TMX4: variants seen among roughly 807,000 people sequenced by gnomAD.
TMX4 encodes thioredoxin-related transmembrane protein 4.
A neutral mutation model predicts 33.3 loss-of-function variants in TMX4; 23 were observed. That is an observed-to-expected ratio of 0.69 (90% CI 0.50 to 0.98). TMX4 has a LOEUF of 0.98. TMX4 is among the 50% of genes least tolerant of loss of function. TMX4 has a pLI of 0.00. For synonymous variants in TMX4, 164 were observed against 161.5 expected (o/e 1.02, Z -0.12); for missense variants, 399 against 448.9 (o/e 0.89, Z 1.01).
At chr20:8,012,645 G>C (rs1170579312) in intron 1 of TMX4, among the ~76,000 whole-genome samples, 1 of 152,028 alleles carries the variant, frequency 6.6e-6, no homozygotes, top group Non-Finnish European at 1.5e-5. Flanking sequence ...TATTTCCCTA[G>C]GACGCTCTTT....
intron 1 of TMX4, among the ~76,000 whole-genome samples, chr20:8,015,379 C>T (rs1280321695): frequency 2.0e-5 from 3 of 152,118 alleles, no homozygotes; most frequent in African/African-American, 2.4e-5. Flanking sequence ...GGCAAGTATG[C>T]CAAAGGTTCT....
intron 5 of TMX4, among the ~76,000 whole-genome samples, chr20:7,992,846 T>C (rs1432546190): frequency 6.6e-6 from 1 of 152,228 alleles, no homozygotes; most frequent in Non-Finnish European, 1.5e-5. Flanking sequence ...TTCTAGATAA[T>C]TACTAGCTCA....
At position 7,980,037 on chromosome 20, in the gene TMX4, G is replaced by A. The variant is rs986591525; in HGVS notation, c.*2214C>T. ...AACTGCCACCTGTCAAATGAGGTCA[G>A]GTGTAAAATTTTCCACTTCTGACGG... On this transcript the variant is annotated 3_prime_UTR_variant, in exon 8 of 8. Transcript: ENST00000246024. The A allele has an allele frequency of 2.0e-5, 3 of 152,142 alleles. No individual in the cohort carries two copies. The highest frequency in any genetic ancestry group is 4.4e-5 in the Non-Finnish European group (3 of 68,032). The allele number at this position is 152,142 out of a possible 1,614,324, so 9.4% of individuals were successfully genotyped here.
At chr20:7,982,730 TC>T in intron 7 of TMX4, 109 bp from the exon 8 acceptor site, 5 of 1,271,960 alleles carry the variant, frequency 3.9e-6, no homozygotes, top group Non-Finnish European at 5.4e-6. Context: ...GACAGTTTTT[TC>T]TATCTTGAAA....
intron 2 of TMX4, among the ~76,000 whole-genome samples, chr20:8,005,798 G>T (rs1404047468): frequency 6.6e-6 from 1 of 152,160 alleles, no homozygotes; most frequent in East Asian, 1.9e-4. Context: ...TTTGGCCAGG[G>T]TAGTTGGAGG....
intron 2 of TMX4, among the ~76,000 whole-genome samples, chr20:8,004,290 A>G (rs2050718726): frequency 6.6e-6 from 1 of 152,240 alleles, no homozygotes; most frequent in African/African-American, 2.4e-5. Context: ...GGAATACAGA[A>G]GCACCATCTG....
chr20:7,978,195 G>A lies in TMX4; in HGVS notation c.*4056C>T, dbSNP rs894158517. 4 of 152,178 alleles carry A rather than the reference G, an allele frequency of 2.6e-5. No homozygotes were observed. Among genetic ancestry groups the A allele is most frequent in the Non-Finnish European group, 4.4e-5 (3 of 68,030 alleles). The allele number at this position is 152,178 out of a possible 1,614,324, so 9.4% of individuals were successfully genotyped here. On this transcript the variant is annotated 3_prime_UTR_variant, in exon 8 of 8. Transcript: ENST00000246024. ...AGAAATAACACTGTAACACCAAGAT[G>A]AGGGACACAGATAACCTATTGATAC...
At position 7,996,072 on chromosome 20, in the gene TMX4, C is replaced by G; in HGVS notation, c.468-1G>C. The G allele has an allele frequency of 6.2e-7, 1 of 1,607,588 alleles. No individual in the cohort carries two copies. Among genetic ancestry groups the G allele is most frequent in the Non-Finnish European group, 8.5e-7 (1 of 1,176,792 alleles). On this transcript the variant is annotated splice_acceptor_variant, in intron 4 of 7. Transcript: ENST00000246024. LOFTEE classifies it high-confidence loss of function. ...AAAAAGACCAGCCATTCCAGACATCCTTAAAAAAAAATAAAGAGAAGAAAC... is the reference window on the plus strand; with the variant it reads ...AAAAAGACCAGCCATTCCAGACATCGTTAAAAAAAAATAAAGAGAAGAAAC...
At chr20:7,985,279 T>TATATATATA (rs1568533383) in intron 6 of TMX4, among the ~76,000 whole-genome samples, 1 of 123,674 alleles carries the variant, frequency 8.1e-6, no homozygotes, top group African/African-American at 3.1e-5. Context: ...ATATATATAT[T>TATATATATA]TTTTTTTTTT....
At chr20:7,988,946 C>T (rs1169105224) in intron 5 of TMX4, among the ~76,000 whole-genome samples, 1 of 151,814 alleles carries the variant, frequency 6.6e-6, no homozygotes, top group East Asian at 1.9e-4. Flanking sequence ...TTGCTTGAAC[C>T]CCGGAGGCAG....
chr20:7,983,166 T>C (rs1319028846), intron 7 of TMX4, among the ~76,000 whole-genome samples: 2 of 152,212 alleles, frequency 1.3e-5, no homozygotes, highest in Non-Finnish European at 2.9e-5. Context: ...TAAATTTTCA[T>C]TTGTTTTCCT....
Position 7,987,326 on chromosome 20 carries a change from C to A in TMX4, c.577G>T (p.Val193Phe). Reference sequence around the variant, plus strand: ...AGGCCAAAAACCAAGGTGGCTATGACGAAAAAGACATAAGAACACCAAGCA... The same window carrying A: ...AGGCCAAAAACCAAGGTGGCTATGAAGAAAAAGACATAAGAACACCAAGCA... ...IPAWCSYVFFVIATLVFGLFM... is the reference protein window; with the variant it reads ...IPAWCSYVFFFIATLVFGLFM... The change falls in exon 6 of 8, where the codon GTC becomes TTC. Residue 193 changes from valine (V) to phenylalanine (F), a missense_variant. Physicochemically the swap from Val to Phe is conservative, Grantham distance 50. Coordinates refer to ENST00000246024, the MANE Select transcript of TMX4 (RefSeq NM_021156.4). The A allele has an allele frequency of 6.3e-7, 1 of 1,593,166 alleles. No individual in the cohort carries two copies.
chr20:7,995,451 G>A (rs999976974), intron 5 of TMX4, among the ~76,000 whole-genome samples: 2 of 152,090 alleles, frequency 1.3e-5, no homozygotes, highest in African/African-American at 2.4e-5. Flanking sequence ...GAAATTATAC[G>A]ATCACATATA....
intron 1 of TMX4, among the ~76,000 whole-genome samples, chr20:8,013,386 T>G (rs947671252): frequency 1.3e-5 from 2 of 152,212 alleles, no homozygotes; most frequent in East Asian, 3.8e-4. Flanking sequence ...ACTGAACTTT[T>G]GTTGACTTGT....
chr20:8,009,357 G>A (rs2050743133), intron 2 of TMX4, among the ~76,000 whole-genome samples: 1 of 152,028 alleles, frequency 6.6e-6, no homozygotes, highest in African/African-American at 2.4e-5. Flanking sequence ...CAGAATGACA[G>A]AACTAGAAAT....
chr20:8,009,163 GATT>G lies in TMX4; in HGVS notation c.292+1034_292+1036del, dbSNP rs2050742266. Among the ~76,000 whole-genome samples, 4 of 152,224 alleles carry G rather than the reference GATT, an allele frequency of 2.6e-5. No homozygotes were observed. In the South Asian group the frequency reaches 8.3e-4, roughly 32 times the overall value. On this transcript the variant is annotated intron_variant, in intron 2 of 7. Transcript: ENST00000246024. Reference sequence around the variant, plus strand: ...AAAATAGCCACATTTTAGAGATTTAGATTATAAAAGGCCATCTTTTCTTCTCAG... The same window carrying G: ...AAAATAGCCACATTTTAGAGATTTAGATAAAAGGCCATCTTTTCTTCTCAG...
chr20:7,995,204 T>C (rs948094595), intron 5 of TMX4, among the ~76,000 whole-genome samples: 1 of 152,184 alleles, frequency 6.6e-6, no homozygotes, highest in African/African-American at 2.4e-5. Flanking sequence ...GTTCCAAACA[T>C]GACACCATAA....
intron 1 of TMX4, among the ~76,000 whole-genome samples, chr20:8,012,192 T>C (rs1395722959): frequency 3.3e-5 from 5 of 152,148 alleles, no homozygotes; most frequent in Non-Finnish European, 7.4e-5. Flanking sequence ...ATCAGAAAGA[T>C]CAACCAGGAA....
rs915648930 is a variant in TMX4 at position 7,979,060 on chromosome 20, A to T, written c.*3191T>A. On this transcript the variant is annotated 3_prime_UTR_variant, in exon 8 of 8. Transcript: ENST00000246024. ...AAATAACTGATACTGCAATAGAGGG[A>T]AGCATGATTTTAATTTTTTTTTTTT... 2 of 152,132 alleles carry T rather than the reference A, an allele frequency of 1.3e-5. No homozygotes were observed. Among genetic ancestry groups the T allele is most frequent in the African/African-American group, 4.8e-5 (2 of 41,424 alleles). The allele number at this position is 152,132 out of a possible 1,614,324, so 9.4% of individuals were successfully genotyped here. A position where few individuals can be genotyped will look rare whatever the true frequency, so the allele number is the denominator to read the frequency against.
Sources: gnomAD v4.1 joint callset for allele counts (sites outside exome capture counted in the v4.1 genomes callset) on GRCh38, gnomAD v4.1.1 for gene constraint, MANE v1.5 for transcripts, NCBI Gene and HGNC (gene_info 2026-07-23, HGNC 2026-07-21) for gene names.